Variants in ALDH1A2 observed in about 807,000 individuals in gnomAD.
ALDH1A2 encodes the protein aldehyde dehydrogenase 1 family member A2, also known as retinal dehydrogenase 2.
In ALDH1A2, 27 loss-of-function variants were observed where a neutral mutation model predicts 60.3. The ratio of observed to expected loss-of-function variants is 0.45; its 90% CI spans 0.33 to 0.62. The LOEUF is 0.62. Ranked by LOEUF, ALDH1A2 falls within the 20% of genes least tolerant of loss-of-function variation. ALDH1A2 has a pLI of 0.02. For missense variants in ALDH1A2, 581 were observed against 643.8 expected (o/e 0.90, Z 1.06); for synonymous variants, 289 against 232.4 (o/e 1.24, Z -2.21).
intron 1 of ALDH1A2, among the ~76,000 whole-genome samples, chr15:58,055,125 C>T (rs1896864891): frequency 6.6e-6 from 1 of 151,932 alleles, no homozygotes; most frequent in African/African-American, 2.4e-5. Context: ...TTATGTTTGT[C>T]CTTATTGTTA....
chr15:57,956,845 T>G (rs1893543745), intron 12 of ALDH1A2, among the ~76,000 whole-genome samples: 2 of 152,270 alleles, frequency 1.3e-5, no homozygotes, highest in South Asian at 4.1e-4. Context: ...CGAGCCACAC[T>G]TCACCCCCAT....
At chr15:58,025,916 C>T (rs1248290390) in intron 1 of ALDH1A2, among the ~76,000 whole-genome samples, 2 of 152,282 alleles carry the variant, frequency 1.3e-5, no homozygotes, top group African/African-American at 4.8e-5. Context: ...CACTCATTAC[C>T]TCAGAGAGTG....
rs1893452600 is a variant in ALDH1A2, at chr15:57,954,537, T to C, written c.*660A>G. On this transcript the variant is annotated 3_prime_UTR_variant, in exon 13 of 13. Transcript: ENST00000249750. Reference sequence around the variant, plus strand: ...TCTCTATTGTCCCAATCTTTTTTCATTCATGTTATTTATGGGTAAAAGAAA... The same window carrying C: ...TCTCTATTGTCCCAATCTTTTTTCACTCATGTTATTTATGGGTAAAAGAAA... 1 of 157,214 alleles carries C rather than the reference T, an allele frequency of 6.4e-6. No individual in the cohort carries two copies. The highest frequency in any genetic ancestry group is 2.4e-5 in the African/African-American group (1 of 41,466). The allele number at this position is 157,214 out of a possible 1,614,324, so 9.7% of individuals were successfully genotyped here.
intron 4 of ALDH1A2, among the ~76,000 whole-genome samples, chr15:58,000,404 A>G (rs1207573039): frequency 1.3e-5 from 2 of 151,880 alleles, no homozygotes; most frequent in African/African-American, 4.8e-5. Flanking sequence ...GAACTTCTAA[A>G]TCAGGGTTAC....
intron 7 of ALDH1A2, among the ~76,000 whole-genome samples, chr15:57,968,252 CTA>C (rs1893956898): frequency 6.6e-6 from 1 of 152,136 alleles, no homozygotes; most frequent in Non-Finnish European, 1.5e-5. Flanking sequence ...ATTGAGTAGT[CTA>C]TGTTAGATAC....
chr15:57,977,576 T>A (rs1894306843), intron 7 of ALDH1A2, among the ~76,000 whole-genome samples: 1 of 152,212 alleles, frequency 6.6e-6, no homozygotes, highest in Admixed American at 6.5e-5. Flanking sequence ...TCTATGTATA[T>A]CTGTGTTTGT....
At chr15:57,976,547 G>A (rs1894265295) in intron 7 of ALDH1A2, among the ~76,000 whole-genome samples, 1 of 152,170 alleles carries the variant, frequency 6.6e-6, no homozygotes, top group African/African-American at 2.4e-5. Context: ...AGTTTGCTGA[G>A]AATGATGGTT....
At chr15:58,015,449 A>C (rs1352713564) in intron 1 of ALDH1A2, among the ~76,000 whole-genome samples, 1 of 152,256 alleles carries the variant, frequency 6.6e-6, no homozygotes, top group Non-Finnish European at 1.5e-5. Context: ...AAAATACCTT[A>C]AATTTGTAGA....
At chr15:58,043,205 G>A (rs779047392) in intron 1 of ALDH1A2, among the ~76,000 whole-genome samples, 2 of 151,904 alleles carry the variant, frequency 1.3e-5, no homozygotes, top group African/African-American at 4.8e-5. Context: ...CTTGTTTCCA[G>A]GCTCTTGACA....
At chr15:58,031,920 G>C (rs1382310126) in intron 1 of ALDH1A2, among the ~76,000 whole-genome samples, 1 of 152,156 alleles carries the variant, frequency 6.6e-6, no homozygotes, top group African/African-American at 2.4e-5. Context: ...CTGTAAACTA[G>C]TTCAACCATT....
At chr15:57,992,012 C>A (rs1165549044) in intron 7 of ALDH1A2, among the ~76,000 whole-genome samples, 2 of 152,080 alleles carry the variant, frequency 1.3e-5, no homozygotes, top group Admixed American at 1.3e-4. Flanking sequence ...TTTGGTATGG[C>A]CTACAAGCTA....
At chr15:57,982,666 A>G (rs1595636971) in intron 7 of ALDH1A2, among the ~76,000 whole-genome samples, 1 of 152,254 alleles carries the variant, frequency 6.6e-6, no homozygotes. Context: ...CTTGGGAATT[A>G]TCTTTGCTTA....
chr15:57,996,766 A>C (rs1895078259), intron 4 of ALDH1A2, among the ~76,000 whole-genome samples: 1 of 151,970 alleles, frequency 6.6e-6, no homozygotes, highest in South Asian at 2.1e-4. Context: ...AAAGTTTAAC[A>C]ATTCATAATT....
At chr15:58,016,818 C>T (rs7178598) in intron 1 of ALDH1A2, among the ~76,000 whole-genome samples, 1 of 151,884 alleles carries the variant, frequency 6.6e-6, no homozygotes, top group African/African-American at 2.4e-5. Context: ...ATCATCCTTC[C>T]GTTTTCTAAT....
intron 1 of ALDH1A2, among the ~76,000 whole-genome samples, chr15:58,044,155 TTTTA>T (rs1289590939): frequency 6.6e-6 from 1 of 152,018 alleles, no homozygotes; most frequent in African/African-American, 2.4e-5. Flanking sequence ...GATGCTTCTT[TTTTA>T]TTTAAGTTCT....
intron 1 of ALDH1A2, among the ~76,000 whole-genome samples, chr15:58,028,552 T>A (rs1263507233): frequency 2.6e-5 from 4 of 152,134 alleles, no homozygotes; most frequent in Admixed American, 1.3e-4. Context: ...CACATAACAA[T>A]ATTAACCTTA....
chr15:58,001,847 G>A (rs1344383776), intron 4 of ALDH1A2, among the ~76,000 whole-genome samples: 1 of 151,884 alleles, frequency 6.6e-6, no homozygotes, highest in Non-Finnish European at 1.5e-5. Context: ...CATAAAAAAG[G>A]ACTGCATTTG....
At chr15:57,987,681 C>A (rs940301949) in intron 7 of ALDH1A2, among the ~76,000 whole-genome samples, 17 of 152,104 alleles carry the variant, frequency 1.1e-4, no homozygotes, top group African/African-American at 3.9e-4. Context: ...GAGATCCAGA[C>A]CATCCTGGCT....
chr15:58,055,902 G>GTCTT (rs4646567), intron 1 of ALDH1A2, among the ~76,000 whole-genome samples: 72,091 of 151,594 alleles, frequency 0.48, 17,587 homozygotes, highest in Non-Finnish European at 0.54. Context: ...CAAAAAAAAG[G>GTCTT]TCTTTTAGAA....
Sources: allele counts gnomAD v4.1 joint callset (sites outside exome capture counted in the v4.1 genomes callset), GRCh38; gene constraint gnomAD v4.1.1; transcripts MANE v1.5; gene names NCBI Gene and HGNC (gene_info 2026-07-23, HGNC 2026-07-21).